Variants in NAA16 observed in about 807,000 individuals in gnomAD.
NAA16 encodes the protein N-alpha-acetyltransferase 16, NatA auxiliary subunit.
Under a neutral mutation model 110.3 loss-of-function variants are expected in NAA16, and 97 were observed. That is an observed-to-expected ratio of 0.88 (90% confidence interval 0.75 to 1.04). The LOEUF (loss-of-function observed/expected upper bound fraction) is 1.04. Ranked by LOEUF, NAA16 falls within the 50% of genes least tolerant of loss-of-function variation. NAA16 has a pLI of 0.00. For missense variants in NAA16, 1,017 were observed against 1,005.1 expected, an observed-to-expected ratio of 1.01 and a Z score of -0.16; for synonymous variants, 372 against 330.6, an observed-to-expected ratio of 1.13 and a Z score of -1.36.
At chr13:41,345,902 A>G (rs1164634432) in intron 9 of NAA16, among the ~76,000 whole-genome samples, 2 of 152,210 alleles carry the variant, frequency 1.3e-5, no homozygotes, top group South Asian at 2.1e-4. Context: ...TTCTAGATAC[A>G]AGTCTCTCAT....
At chr13:41,373,801 G>T (rs200417985) in intron 18 of NAA16, 21 bp downstream of exon 18, 30 of 1,566,084 alleles carry the variant, frequency 1.9e-5, no homozygotes, top group Non-Finnish European at 2.5e-5. Context: ...AGCCCCCAGG[G>T]TTAAAATACT....
intron 9 of NAA16, among the ~76,000 whole-genome samples, chr13:41,351,574 G>A (rs188059038): frequency 2.9e-4 from 44 of 152,298 alleles, no homozygotes; most frequent in Admixed American, 7.8e-4. Context: ...TTAATGAAGA[G>A]TTCTTTTAAC....
At chr13:41,314,434 A>G (rs1486139207) in intron 1 of NAA16, among the ~76,000 whole-genome samples, 2 of 152,106 alleles carry the variant, frequency 1.3e-5, no homozygotes, top group Non-Finnish European at 2.9e-5. Flanking sequence ...TGGAATAGGC[A>G]GTATATTCAC....
At chr13:41,356,598 A>G (rs1593505729) in intron 10 of NAA16, among the ~76,000 whole-genome samples, 1 of 152,280 alleles carries the variant, frequency 6.6e-6, no homozygotes, top group African/African-American at 2.4e-5. Context: ...ATCCAAAAGA[A>G]GTCTTTGTGT....
chr13:41,320,938 A>G (rs2041930034), intron 4 of NAA16, 114 bp downstream of exon 4: 2 of 926,252 alleles, frequency 2.2e-6, no homozygotes, highest in African/African-American at 3.4e-5. Context: ...ATTGTTCATT[A>G]GAAGGTGTAT....
intron 9 of NAA16, among the ~76,000 whole-genome samples, chr13:41,345,466 A>G (rs535428670): frequency 6.6e-6 from 1 of 151,984 alleles, no homozygotes; most frequent in South Asian, 2.1e-4. Flanking sequence ...TGGCCTTTGT[A>G]TATGTTCTTT....
intron 8 of NAA16, among the ~76,000 whole-genome samples, chr13:41,333,324 G>C (rs1435821482): frequency 6.6e-6 from 1 of 152,020 alleles, no homozygotes; most frequent in Non-Finnish European, 1.5e-5. Context: ...GTGCAATTCA[G>C]TGTTTTAGTA....
In NAA16 at chr13:41,369,291, G is replaced by T; in HGVS notation, c.1947+8G>T. 1 of 1,545,598 alleles carries T rather than the reference G, an allele frequency of 6.5e-7. No individual in the cohort carries two copies. Among genetic ancestry groups the T allele is most frequent in the Non-Finnish European group, 8.7e-7 (1 of 1,155,894 alleles). On this transcript the variant is annotated splice_region_variant and intron_variant, in intron 15 of 19. Coordinates refer to ENST00000379406, the MANE Select transcript of NAA16 (RefSeq NM_024561.5). ...CCTGAAAAATTAGAAAGGGTGAGAT[G>T]GGTTTTACTATCTTTGTTATTTGGT...
intron 9 of NAA16, among the ~76,000 whole-genome samples, chr13:41,345,459 C>A (rs925095665): frequency 6.6e-6 from 1 of 151,928 alleles, no homozygotes; most frequent in Non-Finnish European, 1.5e-5. Flanking sequence ...TGCTTATTGG[C>A]CTTTGTATAT....
At chr13:41,366,293 G>C (rs960110885) in intron 13 of NAA16, among the ~76,000 whole-genome samples, 2 of 152,170 alleles carry the variant, frequency 1.3e-5, no homozygotes, top group Non-Finnish European at 2.9e-5. Context: ...TATATAGTGT[G>C]TTTCTAATTA....
chr13:41,344,470 G>A (rs1192207280), intron 9 of NAA16, among the ~76,000 whole-genome samples: 1 of 152,150 alleles, frequency 6.6e-6, no homozygotes, highest in African/African-American at 2.4e-5. Context: ...GACATTTTAC[G>A]ATGTCTGGAG....
rs2042079166 is a variant in NAA16 at position 41,325,839 on chromosome 13, G to C, written c.679G>C (p.Glu227Gln). The stretch of plus-strand genomic sequence containing the variant: ...ACAAATATGTGATAAACTTTTGGTG[G>C]AAGAAATTAAAGGTAAGTTGGCTTG... ...EKQICDKLLV[E>Q]EIKGEILLKL... The change falls in exon 6 of 20, where the codon GAA becomes CAA. Residue 227 changes from glutamate to glutamine, a missense_variant. Coordinates refer to ENST00000379406, the MANE Select transcript of NAA16 (RefSeq NM_024561.5). The C allele has an allele frequency of 6.3e-7, 1 of 1,597,466 alleles. No individual in the cohort carries two copies. The highest frequency in any genetic ancestry group is 1.3e-5 in the African/African-American group (1 of 74,082).
At chr13:41,350,200 C>G (rs2042791163) in intron 9 of NAA16, among the ~76,000 whole-genome samples, 1 of 151,324 alleles carries the variant, frequency 6.6e-6, no homozygotes, top group Non-Finnish European at 1.5e-5. Context: ...AGGTTGAAGG[C>G]TGCAGTGAAC....
chr13:41,353,600 TAAA>T (rs56050620), intron 9 of NAA16, among the ~76,000 whole-genome samples: 5,662 of 146,130 alleles, frequency 0.039, 292 homozygotes, highest in African/African-American at 0.12. Flanking sequence ...CTTTGTCTCT[TAAA>T]AAAAAAAAAA....
At chr13:41,372,115 C>T in intron 15 of NAA16, 88 bp from the exon 16 acceptor site, 1 of 1,081,230 alleles carries the variant, frequency 9.2e-7, no homozygotes. Flanking sequence ...GTCTAAATTA[C>T]TTTAGACATA....
chr13:41,345,646 G>A (rs1014952188), intron 9 of NAA16, among the ~76,000 whole-genome samples: 2 of 151,982 alleles, frequency 1.3e-5, no homozygotes, highest in African/African-American at 4.8e-5. Flanking sequence ...ACAGTGGTGC[G>A]ATCTCACCTC....
intron 9 of NAA16, among the ~76,000 whole-genome samples, chr13:41,348,563 A>C (rs79860568): frequency 0.068 from 10,343 of 152,242 alleles, 1,174 homozygotes; most frequent in African/African-American, 0.23. Context: ...TGTTTTGTTT[A>C]GGATATTGCA....
At chr13:41,326,290 A>G (rs1566251293) in intron 6 of NAA16, among the ~76,000 whole-genome samples, 2 of 152,176 alleles carry the variant, frequency 1.3e-5, no homozygotes, top group Non-Finnish European at 2.9e-5. Flanking sequence ...CAGGATCCCT[A>G]TAGTTTTAAC....
chr13:41,347,955 C>T (rs964225284), intron 9 of NAA16, among the ~76,000 whole-genome samples: 2 of 152,114 alleles, frequency 1.3e-5, no homozygotes, highest in Non-Finnish European at 2.9e-5. Context: ...CCATTAAGTA[C>T]TGTGTTAGCT....
Sources: allele counts gnomAD v4.1 joint callset (sites outside exome capture counted in the v4.1 genomes callset), GRCh38; gene constraint gnomAD v4.1.1; transcripts MANE v1.5; gene names NCBI Gene and HGNC (gene_info 2026-07-23, HGNC 2026-07-21).